Variants in MGAT4A observed in about 807,000 individuals in gnomAD.
The protein encoded by MGAT4A is N-acetylglucosaminyltransferase IVa.
In MGAT4A, 33 loss-of-function variants were observed where a neutral mutation model predicts 74.1. The observed-to-expected ratio is 0.45, with a 90% CI of 0.34 to 0.60. The LOEUF (loss-of-function observed/expected upper bound fraction) is 0.60, where lower values mean the gene tolerates loss of function less well. MGAT4A is among the 20% of genes least tolerant of loss of function. The pLI is 0.02. For missense variants in MGAT4A, 479 were observed against 628.3 expected (o/e 0.76, Z 2.54); for synonymous variants, 198 against 210.4 (o/e 0.94, Z 0.51).
intron 2 of MGAT4A, among the ~76,000 whole-genome samples, chr2:98,717,645 T>C (rs1349847650): frequency 6.6e-6 from 1 of 152,210 alleles, no homozygotes; most frequent in African/African-American, 2.4e-5. Context: ...TGTGTACTAT[T>C]TTTGTACATT....
chr2:98,706,305 G>A (rs548494810), intron 2 of MGAT4A, among the ~76,000 whole-genome samples: 66 of 152,226 alleles, frequency 4.3e-4, no homozygotes, highest in African/African-American at 1.5e-3. Context: ...AGTGACATCA[G>A]CAAAAATGGT....
At chr2:98,687,440 CCT>C (rs527643221) in intron 2 of MGAT4A, among the ~76,000 whole-genome samples, 144 of 152,148 alleles carry the variant, frequency 9.5e-4, no homozygotes, top group African/African-American at 3.3e-3. Flanking sequence ...ACAAGCGTGT[CCT>C]CTTACTGCAT....
chr2:98,696,098 G>T (rs2104308023), intron 2 of MGAT4A, among the ~76,000 whole-genome samples: 1 of 152,044 alleles, frequency 6.6e-6, no homozygotes, highest in Non-Finnish European at 1.5e-5. Context: ...GCCCAAGCTG[G>T]TCTCGAACTC....
chr2:98,661,379 AAAG>A (rs1162109259), intron 5 of MGAT4A, among the ~76,000 whole-genome samples: 1 of 152,228 alleles, frequency 6.6e-6, no homozygotes, highest in African/African-American at 2.4e-5. Context: ...GTTGGTAAAT[AAAG>A]AAGATCTCTG....
At position 98,625,539 on chromosome 2, in the gene MGAT4A, G is replaced by A. The variant is rs977281515; in HGVS notation, c.*27C>T. On this transcript the variant is annotated 3_prime_UTR_variant, in exon 16 of 16. Transcript: ENST00000393487. ...CTATCTTTAATTAACAAATTCACAG[G>A]AAAAAATGTGTTGGTTTCTCAGATG... 16 of 1,600,908 alleles carry A rather than the reference G, an allele frequency of 1.0e-5. No homozygotes were observed. The highest frequency in any genetic ancestry group is 1.3e-5 in the Non-Finnish European group (15 of 1,176,878).
At chr2:98,635,136 A>T in intron 14 of MGAT4A, 86 bp downstream of exon 14, 1 of 980,872 alleles carries the variant, frequency 1.0e-6, no homozygotes, top group Non-Finnish European at 1.6e-6. Flanking sequence ...GTAATCCTCA[A>T]GTTGCTTAAC....
Position 98,621,930 on chromosome 2 carries a change from T to C in MGAT4A, c.*3636A>G, listed in dbSNP as rs768291018. 280 of 997,146 alleles carry C rather than the reference T, an allele frequency of 2.8e-4. No individual in the cohort carries two copies. Among genetic ancestry groups the C allele is most frequent in the Non-Finnish European group, 3.3e-4 (273 of 837,362 alleles). The allele number at this position is 997,146 out of a possible 1,614,324, so 61.8% of individuals were successfully genotyped here. On this transcript the variant is annotated 3_prime_UTR_variant, in exon 16 of 16. Transcript: ENST00000393487. ...AAGGGTATTCAACCATCTCCAATTGTTGAACAAATACACACATACGTATCT... is the reference window on the plus strand; with the variant it reads ...AAGGGTATTCAACCATCTCCAATTGCTGAACAAATACACACATACGTATCT...
At chr2:98,730,980 C>CCTCCGCGCAGCCG (rs1702846886) in intron 1 of MGAT4A, 68 bp downstream of exon 1, 1 of 146,022 alleles carries the variant, frequency 6.8e-6, no homozygotes, top group African/African-American at 2.5e-5. Context: ...ACTCCCGCGC[C>CCTCCGCGCAGCCG]CTCCGCGCAG....
chr2:98,651,697 T>C (rs925638990), intron 8 of MGAT4A, among the ~76,000 whole-genome samples: 1 of 152,122 alleles, frequency 6.6e-6, no homozygotes, highest in Non-Finnish European at 1.5e-5. Flanking sequence ...TAAATGGCAA[T>C]AGTAAGTCTT....
chr2:98,631,581 G>T (rs1701233740), intron 14 of MGAT4A, among the ~76,000 whole-genome samples: 1 of 152,232 alleles, frequency 6.6e-6, no homozygotes, highest in Admixed American at 6.5e-5. Flanking sequence ...GAGCACACCC[G>T]CGGATGCTGG....
intron 2 of MGAT4A, among the ~76,000 whole-genome samples, chr2:98,711,337 C>T (rs1256455825): frequency 6.6e-6 from 1 of 151,042 alleles, no homozygotes; most frequent in African/African-American, 2.4e-5. Flanking sequence ...CAACCAGGTT[C>T]CTGGCCCCTA....
chr2:98,621,361 T>G lies in MGAT4A; in HGVS notation c.*4205A>C, dbSNP rs1701057998. 6.5e-7 allele frequency: 1 copy of G among 1,531,934 alleles called. No homozygotes were observed. Among genetic ancestry groups the G allele is most frequent in the South Asian group, 1.2e-5 (1 of 81,924 alleles). 94.9% of individuals were successfully genotyped at this position (1,531,934 alleles called of 1,614,324 possible). On this transcript the variant is annotated 3_prime_UTR_variant, in exon 16 of 16. Transcript: ENST00000393487. ...GTAGGACTGCAGTTCCCAGCTCCTT[T>G]GCTGTTAGCCAAGGCCTCTCTCAGC... is the stretch of plus-strand genomic sequence containing the variant.
At chr2:98,720,069 TAAG>T (rs1461555478) in intron 2 of MGAT4A, among the ~76,000 whole-genome samples, 3 of 152,154 alleles carry the variant, frequency 2.0e-5, no homozygotes, top group African/African-American at 4.8e-5. Context: ...AAACTATTAA[TAAG>T]AAGAGAGAAA....
At chr2:98,697,888 T>A (rs1702299097) in intron 2 of MGAT4A, among the ~76,000 whole-genome samples, 1 of 152,134 alleles carries the variant, frequency 6.6e-6, no homozygotes. Context: ...ACTGGATGGG[T>A]TCATAAGAAG....
At chr2:98,627,006 G>A (rs895782604) in intron 14 of MGAT4A, among the ~76,000 whole-genome samples, 1 of 152,120 alleles carries the variant, frequency 6.6e-6, no homozygotes, top group Non-Finnish European at 1.5e-5. Context: ...TAGCCTTCCG[G>A]TATATTATTA....
At chr2:98,658,872 A>T (rs1444067727) in intron 5 of MGAT4A, among the ~76,000 whole-genome samples, 1 of 152,250 alleles carries the variant, frequency 6.6e-6, no homozygotes, top group Non-Finnish European at 1.5e-5. Flanking sequence ...ATTATGAACA[A>T]GTCAAAATTC....
At chr2:98,641,073 C>T (rs190553623) in intron 10 of MGAT4A, among the ~76,000 whole-genome samples, 2 of 152,278 alleles carry the variant, frequency 1.3e-5, no homozygotes, top group East Asian at 1.9e-4. Flanking sequence ...ACGGTCCAGA[C>T]GTTCCATCTC....
At chr2:98,650,822 G>T (rs1701565070) in intron 8 of MGAT4A, among the ~76,000 whole-genome samples, 1 of 152,014 alleles carries the variant, frequency 6.6e-6, no homozygotes, top group Non-Finnish European at 1.5e-5. Context: ...GTGGTGGTGG[G>T]CACCTGTAAC....
At chr2:98,705,804 G>A (rs546357694) in intron 2 of MGAT4A, among the ~76,000 whole-genome samples, 88 of 152,024 alleles carry the variant, frequency 5.8e-4, no homozygotes, top group Admixed American at 1.4e-3. Flanking sequence ...TTAGCCGGGC[G>A]CGGTGGCGGG....
Sources: gnomAD v4.1 joint callset for allele counts (sites outside exome capture counted in the v4.1 genomes callset) on GRCh38, gnomAD v4.1.1 for gene constraint, MANE v1.5 for transcripts, NCBI Gene and HGNC (gene_info 2026-07-23, HGNC 2026-07-21) for gene names.